The following RFC1 variants were observed in gnomAD, a reference collection of about 807,000 sequenced individuals.
RFC1 encodes replication factor C subunit 1.
Under a neutral mutation model 137.4 loss-of-function variants are expected in RFC1, and 37 were observed. The ratio of observed to expected loss-of-function variants is 0.27; its 90% CI spans 0.21 to 0.35. The LOEUF (loss-of-function observed/expected upper bound fraction) is 0.35. RFC1 is among the 10% of genes least tolerant of loss of function. The pLI is 1.00. For synonymous variants in RFC1, 429 were observed against 455.7 expected, an observed-to-expected ratio of 0.94 and a Z score of 0.75; for missense variants, 1,205 against 1,358.5, an observed-to-expected ratio of 0.89 and a Z score of 1.78.
At chr4:39,351,084 A>C (rs1032380297) in intron 2 of RFC1, among the ~76,000 whole-genome samples, 1 of 151,864 alleles carries the variant, frequency 6.6e-6, no homozygotes, top group Non-Finnish European at 1.5e-5. Context: ...CCCCGTCTCT[A>C]CTAAAAAATA....
intron 21 of RFC1, among the ~76,000 whole-genome samples, chr4:39,296,097 G>A (rs1218554137): frequency 6.6e-6 from 1 of 151,962 alleles, no homozygotes; most frequent in Non-Finnish European, 1.5e-5. Context: ...GGGATATGAT[G>A]GTCTTTAACA....
At chr4:39,336,991 A>C (rs1043918794) in intron 4 of RFC1, among the ~76,000 whole-genome samples, 2 of 152,242 alleles carry the variant, frequency 1.3e-5, no homozygotes, top group Non-Finnish European at 2.9e-5. Flanking sequence ...GATGACATGA[A>C]AAAATAAGTG....
At position 39,323,369 on chromosome 4, in the gene RFC1, T is replaced by C. The variant is rs1430656897; in HGVS notation, c.691A>G (p.Met231Val). ...EDEEFARTLA[M>V]LDEEPKTKKA... The stretch of plus-strand genomic sequence containing the variant: ...TTGGTCTTGGGTTCTTCATCCAACA[T>C]GGCTAATGTTCTGGCAAACTCTTCA... The change falls in exon 7 of 25, where the codon ATG becomes GTG. Residue 231 changes from methionine (M) to valine (V), a missense_variant. Transcript: ENST00000349703. 2.5e-6 allele frequency: 4 copies of C among 1,614,116 alleles called. No individual in the cohort carries two copies. Among genetic ancestry groups the C allele is most frequent in the South Asian group, 1.1e-5 (1 of 91,082 alleles).
chr4:39,325,244 C>T (rs926097190), intron 6 of RFC1, among the ~76,000 whole-genome samples: 19 of 152,246 alleles, frequency 1.2e-4, no homozygotes, highest in Admixed American at 1.2e-3. Flanking sequence ...ACCACCTACT[C>T]TGCCTTTCCA....
At chr4:39,359,683 A>G (rs1453454838) in intron 1 of RFC1, among the ~76,000 whole-genome samples, 2 of 151,972 alleles carry the variant, frequency 1.3e-5, no homozygotes, top group African/African-American at 4.8e-5. Context: ...TTAGCCAGGC[A>G]TGGTGGCGGG....
intron 11 of RFC1, 135 bp from the exon 12 acceptor site, chr4:39,311,684 A>C (rs1738967899): frequency 1.7e-6 from 1 of 588,236 alleles, no homozygotes; most frequent in Non-Finnish European, 2.9e-6. Context: ...ACTGGAATTA[A>C]AAAAGAAAAA....
chr4:39,303,459 AT>A (rs1161017753), intron 15 of RFC1, among the ~76,000 whole-genome samples: 168 of 146,858 alleles, frequency 1.1e-3, no homozygotes, highest in African/African-American at 1.6e-3. Context: ...TGAGTTTTGA[AT>A]TTTTTTTTTT....
intron 23 of RFC1, among the ~76,000 whole-genome samples, 157 bp from the exon 24 acceptor site, chr4:39,290,196 A>G (rs1016124284): frequency 1.3e-5 from 2 of 152,104 alleles, no homozygotes; most frequent in Admixed American, 6.6e-5. Flanking sequence ...TTTTCTGTGG[A>G]TAAGTTCCAT....
At chr4:39,306,435 A>G (rs1459842359) in intron 14 of RFC1, among the ~76,000 whole-genome samples, 157 bp downstream of exon 14, 1 of 152,204 alleles carries the variant, frequency 6.6e-6, no homozygotes, top group African/African-American at 2.4e-5. Flanking sequence ...CAGAACCAAA[A>G]CAGGTTCTAA....
Position 39,316,895 on chromosome 4 carries a change from T to C in RFC1, c.1203+20A>G, listed in dbSNP as rs769615640. ...CGGCAGAGGCCCTCACAGAATGGCA[T>C]GCCCTCTCAGTACTCTTACCTTTGG... On this transcript the variant is annotated intron_variant, in intron 10 of 24. Transcript: ENST00000349703. The C allele has an allele frequency of 1.2e-5, 18 of 1,491,318 alleles. No individual in the cohort carries two copies. In the Admixed American group the frequency reaches 1.5e-4, roughly 12 times the overall value. The allele number at this position is 1,491,318 out of a possible 1,614,324, so 92.4% of individuals were successfully genotyped here. A position where few individuals can be genotyped will look rare whatever the true frequency, so the allele number is the denominator to read the frequency against.
chr4:39,335,090 A>G (rs569021553), intron 4 of RFC1, among the ~76,000 whole-genome samples: 11 of 152,356 alleles, frequency 7.2e-5, no homozygotes, highest in African/African-American at 2.6e-4. Context: ...TCTTTGGTCT[A>G]GAATACACAA....
Position 39,308,981 on chromosome 4 carries a change from T to C in RFC1, c.1540A>G (p.Lys514Glu). 1 of 1,612,012 alleles carries C rather than the reference T, an allele frequency of 6.2e-7. No homozygotes were observed. The highest frequency in any genetic ancestry group is 8.5e-7 in the Non-Finnish European group (1 of 1,179,706). Residue 514 changes from lysine to glutamate, a missense_variant, in exon 13 of 25, where the codon AAA becomes GAA. By Grantham distance (56) the Lys-to-Glu change is moderately conservative (BLOSUM62 1). Coordinates refer to ENST00000349703, the MANE Select transcript of RFC1 (RefSeq NM_002913.5). Reference protein sequence around the residue: ...ERTPQKNVQGKRKISPSKKES... With the variant: ...ERTPQKNVQGERKISPSKKES... ...TTTTTAGATGGACTAATTTTTCTTT[T>C]TCCTTGGACATTTTTTTGGGGTGTT...
intron 8 of RFC1, among the ~76,000 whole-genome samples, 175 bp from the exon 9 acceptor site, chr4:39,320,844 G>T (rs969197969): frequency 6.6e-6 from 1 of 152,010 alleles, no homozygotes; most frequent in African/African-American, 2.4e-5. Flanking sequence ...TTACTTATAG[G>T]ACTAAGATCA....
chr4:39,361,032 A>G (rs970321282), intron 1 of RFC1, among the ~76,000 whole-genome samples: 1 of 152,218 alleles, frequency 6.6e-6, no homozygotes, highest in Non-Finnish European at 1.5e-5. Flanking sequence ...AAAATCATAT[A>G]TCTGAATAAA....
rs1739829884 is a variant in RFC1 at position 39,327,446 on chromosome 4, T to C, written c.564+78A>G. 26 of 804,258 alleles carry C rather than the reference T, an allele frequency of 3.2e-5. 1 individual carries two copies. In the South Asian group the frequency reaches 5.7e-4, roughly 18 times the overall value. The allele number at this position is 804,258 out of a possible 1,614,324, so 49.8% of individuals were successfully genotyped here. Reference sequence around the variant, plus strand: ...TTATTAAAACATGTTGCCTATTTACTACATCCTAGTTTCTCCTGTTAATAT... The same window carrying C: ...TTATTAAAACATGTTGCCTATTTACCACATCCTAGTTTCTCCTGTTAATAT... On this transcript the variant is annotated intron_variant, in intron 5 of 24. Transcript: ENST00000349703.
rs369507694 is a variant in RFC1, at chr4:39,308,998, T to G, written c.1523A>C (p.Gln508Pro). 1.4e-4 allele frequency: 230 copies of G among 1,610,776 alleles called. 1 individual carries two copies. The Middle Eastern group carries it at 3.5e-3, about 24-fold the overall frequency. ...TTTTCTTTTTCCTTGGACATTTTTT[T>G]GGGGTGTTCTCTCCAGTTTGGACTC... ...KKESKLERTP[Q>P]KNVQGKRKIS... Residue 508 changes from glutamine to proline, a missense_variant, in exon 13 of 25, where the codon CAA becomes CCA. Gln to Pro is a moderately conservative substitution (Grantham distance 76). This residue lies in a region of RFC1 where 962 missense variants were observed against 1,035.3 expected (regional missense o/e 0.93). Coordinates refer to ENST00000349703, the MANE Select transcript of RFC1 (RefSeq NM_002913.5).
chr4:39,339,826 C>A (rs1740529815), intron 4 of RFC1, among the ~76,000 whole-genome samples: 1 of 152,076 alleles, frequency 6.6e-6, no homozygotes, highest in Non-Finnish European at 1.5e-5. Context: ...CCATACGAGA[C>A]CACACAAATC....
intron 21 of RFC1, among the ~76,000 whole-genome samples, chr4:39,296,250 CTTTT>C (rs10717106): frequency 1.1e-4 from 14 of 132,760 alleles, no homozygotes; most frequent in African/African-American, 1.7e-4. Flanking sequence ...TTTTTTTTTT[CTTTT>C]TTTTTTTTTT....
chr4:39,343,663 G>C lies in RFC1; in HGVS notation c.209-1196C>G, dbSNP rs183837143. On this transcript the variant is annotated intron_variant, in intron 3 of 24. Transcript: ENST00000349703. ...CAGTTTCCCAACAAACAAAACTCCT[G>C]AGGAAGAGGAACGCGTACTTCTTTC... Among the ~76,000 whole-genome samples the C allele has an allele frequency of 3.9e-5, 6 of 152,280 alleles. No individual in the cohort carries two copies. The East Asian group carries it at 9.6e-4, about 24-fold the overall frequency.
Sources: gnomAD v4.1 joint callset for allele counts (sites outside exome capture counted in the v4.1 genomes callset) on GRCh38, gnomAD v4.1.1 for gene constraint, gnomAD v4.1.1 regional missense constraint, MANE v1.5 for transcripts, NCBI Gene and HGNC (gene_info 2026-07-23, HGNC 2026-07-21) for gene names.